The following DNAH8 variants were observed in gnomAD, a reference collection of about 807,000 sequenced individuals.
DNAH8 encodes axonemal beta dynein heavy chain 8.
DNAH8 carries 382 observed loss-of-function variants against 562.1 expected under a neutral mutation model. The ratio of observed to expected loss-of-function variants is 0.68; its 90% confidence interval spans 0.63 to 0.74. The LOEUF is 0.74. Among genes scored for constraint, DNAH8 ranks in the 30% least tolerant of loss-of-function variants. The pLI, the probability that DNAH8 is intolerant of heterozygous loss-of-function variation, is 0.00. For synonymous variants in DNAH8, 1,881 were observed against 1,919.4 expected (o/e 0.98, Z 0.52); for missense variants, 5,203 against 5,620.4 (o/e 0.93, Z 2.37).
At chr6:39,028,728 A>G (rs1039121089) in intron 92 of DNAH8, among the ~76,000 whole-genome samples, 1 of 152,180 alleles carries the variant, frequency 6.6e-6, no homozygotes, top group African/African-American at 2.4e-5. Context: ...GAGGGATACA[A>G]TTTACCATAT....
At chr6:38,748,652 G>A (rs1029117612) in intron 8 of DNAH8, among the ~76,000 whole-genome samples, 17 of 151,712 alleles carry the variant, frequency 1.1e-4, no homozygotes, top group African/African-American at 4.1e-4. Flanking sequence ...ACTTTGCGAG[G>A]CTGAGGCAGG....
At chr6:38,773,388 C>T (rs1167474658) in intron 12 of DNAH8, among the ~76,000 whole-genome samples, 4 of 152,058 alleles carry the variant, frequency 2.6e-5, no homozygotes, top group Non-Finnish European at 5.9e-5. Flanking sequence ...GTAGAATGGT[C>T]ATCCATCTGT....
rs189707275 is a variant in DNAH8, at chr6:38,802,769, C to T, written c.2902-410C>T. On this transcript the variant is annotated intron_variant, in intron 21 of 92. Transcript: ENST00000327475. ...TTAAATTGATGCCTGTTATACAACA[C>T]CATGCTCAATTAAAAACTTTATCTA... 4.6e-5 allele frequency among the ~76,000 whole-genome samples: 7 copies of T among 152,340 alleles called. No individual in the cohort carries two copies. In the East Asian group the frequency reaches 1.3e-3, roughly 29 times the overall value.
At chr6:38,837,795 A>T in intron 32 of DNAH8, 147 bp from the exon 33 acceptor site, 2 of 572,202 alleles carry the variant, frequency 3.5e-6, no homozygotes, top group Non-Finnish European at 6.1e-6. Flanking sequence ...ATAGCTTGGT[A>T]TCAGTATAAA....
intron 91 of DNAH8, among the ~76,000 whole-genome samples, chr6:39,025,341 A>T (rs1257386528): frequency 1.3e-5 from 2 of 151,400 alleles, no homozygotes; most frequent in African/African-American, 4.9e-5. Flanking sequence ...CCTCCCCCAC[A>T]CTCCCTCTGG....
rs1268282582 is a variant in DNAH8 at position 38,938,888 on chromosome 6, A to AT, written c.11908dup (p.Tyr3970LeufsTer17). ...TTTTTACATACTCTGTCAGAGGCCT[A>AT]TACGAAAACCACAAATTCCTGTTTG... On this transcript the variant is annotated frameshift_variant, in exon 79 of 93. Coordinates refer to ENST00000327475, the MANE Select transcript of DNAH8 (RefSeq NM_001206927.2). LOFTEE classifies it high-confidence loss of function. 1 of 1,613,728 alleles carries AT rather than the reference A, an allele frequency of 6.2e-7. No individual in the cohort carries two copies. The highest frequency in any genetic ancestry group is 8.5e-7 in the Non-Finnish European group (1 of 1,179,660).
intron 41 of DNAH8, among the ~76,000 whole-genome samples, chr6:38,853,732 G>A (rs548661987): frequency 2.0e-5 from 3 of 152,058 alleles, no homozygotes; most frequent in Non-Finnish European, 4.4e-5. Flanking sequence ...TGCATTTAAT[G>A]CATCTAACCT....
At chr6:38,890,375 T>C (rs1779257816) in intron 57 of DNAH8, among the ~76,000 whole-genome samples, 1 of 152,216 alleles carries the variant, frequency 6.6e-6, no homozygotes, top group Admixed American at 6.5e-5. Flanking sequence ...ACTAAGCTCA[T>C]GTTAAAATGG....
intron 7 of DNAH8, among the ~76,000 whole-genome samples, chr6:38,738,662 G>GA (rs1457241821): frequency 1.3e-5 from 2 of 152,132 alleles, no homozygotes; most frequent in East Asian, 1.9e-4. Context: ...GGATCAAGGG[G>GA]AAAAAATCTT....
intron 48 of DNAH8, among the ~76,000 whole-genome samples, chr6:38,868,478 C>T (rs1243748834): frequency 6.6e-6 from 1 of 152,188 alleles, no homozygotes; most frequent in African/African-American, 2.4e-5. Context: ...CCATTATTCA[C>T]AAAGTGACAC....
intron 88 of DNAH8, among the ~76,000 whole-genome samples, chr6:39,003,282 G>T (rs981140121): frequency 6.6e-6 from 1 of 152,162 alleles, no homozygotes; most frequent in Non-Finnish European, 1.5e-5. Context: ...TTCTGGTGGG[G>T]CATAAAGAGT....
chr6:38,893,993 T>A (rs1238878442), intron 58 of DNAH8, among the ~76,000 whole-genome samples: 1 of 152,218 alleles, frequency 6.6e-6, no homozygotes, highest in Non-Finnish European at 1.5e-5. Context: ...TTGTTACAGC[T>A]TTGCCTTTTT....
intron 18 of DNAH8, among the ~76,000 whole-genome samples, chr6:38,787,432 A>G (rs1297806437): frequency 1.3e-5 from 2 of 152,266 alleles, no homozygotes; most frequent in South Asian, 2.1e-4. Flanking sequence ...AAAAACTGAC[A>G]TTAACATGTA....
At chr6:39,029,309 G>C (rs1194011888) in intron 92 of DNAH8, among the ~76,000 whole-genome samples, 2 of 151,834 alleles carry the variant, frequency 1.3e-5, no homozygotes, top group Admixed American at 1.3e-4. Flanking sequence ...CCTGCTGCAA[G>C]CCCATCAAGG....
chr6:38,903,381 A>T (rs919024711), intron 62 of DNAH8, among the ~76,000 whole-genome samples: 1 of 151,600 alleles, frequency 6.6e-6, no homozygotes, highest in African/African-American at 2.4e-5. Context: ...CAGGTCCCAG[A>T]CTCCTTTAAA....
In DNAH8 at chr6:38,721,347, CAAAT is replaced by C. The variant is rs572203364; in HGVS notation, c.-34-1420_-34-1417del. Among the ~76,000 whole-genome samples, 720 of 151,692 alleles carry C rather than the reference CAAAT, an allele frequency of 4.7e-3. 2 individuals carry two copies. Among genetic ancestry groups the C allele is most frequent in the African/African-American group, 0.016 (677 of 41,372 alleles). Reference sequence around the variant, plus strand: ...TAAAAATAATAAACAAACAAACAAACAAATAAATAAATTAGCCAGGCTGGTGGCA... The same window carrying C: ...TAAAAATAATAAACAAACAAACAAACAAATAAATTAGCCAGGCTGGTGGCA... On this transcript the variant is annotated intron_variant, in intron 1 of 92. Coordinates refer to ENST00000327475, the MANE Select transcript of DNAH8 (RefSeq NM_001206927.2).
intron 86 of DNAH8, 24 bp downstream of exon 86, chr6:38,982,486 C>T: frequency 1.7e-6 from 2 of 1,192,590 alleles, no homozygotes; most frequent in East Asian, 2.3e-5. Flanking sequence ...TGCCTTTTTT[C>T]CTGTTTTTAT....
chr6:38,872,796 TC>T lies in DNAH8; in HGVS notation c.7237+16del. ...AAGCTAAAAAAGGTATACACAAACC[TC>T]CTTTGTGATCATTTTTTCCCTGCTA... On this transcript the variant is annotated intron_variant, in intron 50 of 92. Coordinates refer to ENST00000327475, the MANE Select transcript of DNAH8 (RefSeq NM_001206927.2). 2 of 1,612,698 alleles carry T rather than the reference TC, an allele frequency of 1.2e-6. No homozygotes were observed. The highest frequency in any genetic ancestry group is 1.7e-6 in the Non-Finnish European group (2 of 1,179,114).
At chr6:38,871,019 T>A (rs1198529052) in intron 49 of DNAH8, among the ~76,000 whole-genome samples, 1 of 152,188 alleles carries the variant, frequency 6.6e-6, no homozygotes, top group Non-Finnish European at 1.5e-5. Flanking sequence ...CTGCATATGT[T>A]GGTGTCTTTC....
Sources: allele counts gnomAD v4.1 joint callset (sites outside exome capture counted in the v4.1 genomes callset), GRCh38; gene constraint gnomAD v4.1.1; transcripts MANE v1.5; gene names NCBI Gene and HGNC (gene_info 2026-07-23, HGNC 2026-07-21).